RIMS4: variants seen among roughly 807,000 people sequenced by gnomAD.
RIMS4 encodes regulating synaptic membrane exocytosis protein 4.
Under a neutral mutation model 29.0 loss-of-function variants are expected in RIMS4, and 9 were observed. The observed-to-expected ratio is 0.31, with a 90% CI of 0.19 to 0.54. The LOEUF is 0.54. Ranked by LOEUF, RIMS4 falls within the 20% of genes least tolerant of loss-of-function variation. The pLI is 0.94. For synonymous variants in RIMS4, 130 were observed against 152.9 expected (o/e 0.85, Z 1.10); for missense variants, 193 against 365.7 (o/e 0.53, Z 3.85).
chr20:44,808,158 C>G (rs1401006282), intron 1 of RIMS4, among the ~76,000 whole-genome samples: 2 of 151,976 alleles, frequency 1.3e-5, no homozygotes, highest in Admixed American at 6.6e-5. Flanking sequence ...CAAATACACA[C>G]ACACCCCCAT....
At chr20:44,757,269 C>T (rs1211283342) in intron 4 of RIMS4, among the ~76,000 whole-genome samples, 3 of 152,026 alleles carry the variant, frequency 2.0e-5, no homozygotes, top group Non-Finnish European at 1.5e-5. Context: ...CTCCACCCTT[C>T]CTTTGCTCAC....
In RIMS4 at chr20:44,756,790, C is replaced by A. The variant is rs184406964; in HGVS notation, c.591+108G>T. 8.1e-4 allele frequency: 889 copies of A among 1,102,594 alleles called. 4 individuals carry two copies. In the African/African-American group the frequency reaches 0.012, roughly 16 times the overall value. 68.3% of individuals were successfully genotyped at this position (1,102,594 alleles called of 1,614,324 possible). A position where few individuals can be genotyped will look rare whatever the true frequency, so the allele number is the denominator to read the frequency against. On this transcript the variant is annotated intron_variant, in intron 5 of 5. Transcript: ENST00000372851. The surrounding 1 kb of genome is among the most constrained non-coding windows in gnomAD (Gnocchi z 5.9). ...GAGGGCCTCGCCTGTTTCCTCCAGG[C>A]GAGGCCCTCCAGAGACACCCCCCGC... is the stretch of plus-strand genomic sequence containing the variant.
chr20:44,766,043 ACAC>A (rs1427402102), intron 2 of RIMS4, among the ~76,000 whole-genome samples: 1 of 152,146 alleles, frequency 6.6e-6, no homozygotes, highest in Non-Finnish European at 1.5e-5. Context: ...ACAGACAGAC[ACAC>A]ATGTGACAAG....
chr20:44,802,288 T>C (rs2066280471), intron 1 of RIMS4, among the ~76,000 whole-genome samples: 1 of 152,234 alleles, frequency 6.6e-6, no homozygotes, highest in South Asian at 2.1e-4. Context: ...AGGTGTGTTG[T>C]GTGCATGATG....
chr20:44,778,190 G>A (rs1482658338), intron 1 of RIMS4, among the ~76,000 whole-genome samples: 6 of 152,188 alleles, frequency 3.9e-5, no homozygotes, highest in Admixed American at 1.3e-4. Context: ...ATGGGTGGAG[G>A]AAGCACAACC....
chr20:44,806,051 C>T (rs1309824930), intron 1 of RIMS4, among the ~76,000 whole-genome samples: 3 of 152,228 alleles, frequency 2.0e-5, no homozygotes, highest in African/African-American at 7.2e-5. Context: ...CCAGGAAGGG[C>T]TTTCCAGCCC....
At chr20:44,783,752 C>G (rs572215911) in intron 1 of RIMS4, among the ~76,000 whole-genome samples, 1 of 152,096 alleles carries the variant, frequency 6.6e-6, no homozygotes, top group Non-Finnish European at 1.5e-5. Flanking sequence ...TATGACTCTA[C>G]GTATTTGAAA....
intron 1 of RIMS4, among the ~76,000 whole-genome samples, chr20:44,785,179 T>C (rs1259334387): frequency 1.3e-5 from 2 of 152,118 alleles, no homozygotes; most frequent in Admixed American, 6.6e-5. Context: ...ACACAGTATG[T>C]TGCATAAAGT....
At position 44,753,878 on chromosome 20, in the gene RIMS4, T is replaced by C; in HGVS notation, c.*2256A>G. 2 of 152,632 alleles carry C rather than the reference T, an allele frequency of 1.3e-5. 1 individual carries two copies. The allele number at this position is 152,632 out of a possible 1,614,324, so 9.5% of individuals were successfully genotyped here. A position where few individuals can be genotyped will look rare whatever the true frequency, so the allele number is the denominator to read the frequency against. ...CCTCACTGACCACCCCCAGGTGTTG[T>C]TATTGCTTCGGAGCTCTCTCTCTCT... On this transcript the variant is annotated 3_prime_UTR_variant, in exon 6 of 6. Transcript: ENST00000372851.
At chr20:44,766,515 T>C (rs1156829136) in intron 2 of RIMS4, among the ~76,000 whole-genome samples, 1 of 152,094 alleles carries the variant, frequency 6.6e-6, no homozygotes, top group African/African-American at 2.4e-5. Context: ...TGGCAAACTG[T>C]GGTGTTCAAC....
At chr20:44,810,089 G>C in intron 1 of RIMS4, 86 bp downstream of exon 1, 4 of 646,450 alleles carry the variant, frequency 6.2e-6, no homozygotes, top group Non-Finnish European at 1.0e-5. Flanking sequence ...TGGGGGTGGG[G>C]AGGAGGGCGC....
intron 1 of RIMS4, among the ~76,000 whole-genome samples, chr20:44,809,316 A>C (rs1211119463): frequency 6.6e-6 from 1 of 151,906 alleles, no homozygotes; most frequent in Non-Finnish European, 1.5e-5. Flanking sequence ...CCAAATCCGG[A>C]GCTCTCATGT....
In RIMS4 at chr20:44,755,137, G is replaced by C. The variant is rs542912177; in HGVS notation, c.*997C>G. On this transcript the variant is annotated 3_prime_UTR_variant, in exon 6 of 6. Transcript: ENST00000372851. Reference sequence around the variant, plus strand: ...GTTTTTTTTAAAAAGACTAAAATAGGGGGGCTCTATTTGCCTCCCCAGCCC... The same window carrying C: ...GTTTTTTTTAAAAAGACTAAAATAGCGGGGCTCTATTTGCCTCCCCAGCCC... 41 of 152,654 alleles carry C rather than the reference G, an allele frequency of 2.7e-4. No homozygotes were observed. The highest frequency in any genetic ancestry group is 9.6e-4 in the African/African-American group (40 of 41,516). 9.5% of individuals were successfully genotyped at this position (152,654 alleles called of 1,614,324 possible).
chr20:44,798,293 C>T (rs2066263291), intron 1 of RIMS4, among the ~76,000 whole-genome samples: 1 of 152,174 alleles, frequency 6.6e-6, no homozygotes, highest in Non-Finnish European at 1.5e-5. Flanking sequence ...CTGGAAAGAA[C>T]ACAAGTGTTG....
At chr20:44,787,133 C>T (rs2066212039) in intron 1 of RIMS4, among the ~76,000 whole-genome samples, 1 of 152,070 alleles carries the variant, frequency 6.6e-6, no homozygotes, top group South Asian at 2.1e-4. Context: ...AACGTAAAGG[C>T]CCGTGGCAGA....
intron 1 of RIMS4, among the ~76,000 whole-genome samples, chr20:44,799,487 G>A (rs1442627448): frequency 6.6e-6 from 1 of 152,184 alleles, no homozygotes; most frequent in African/African-American, 2.4e-5. Flanking sequence ...GGGCCCCGGA[G>A]GCACCTGGTC....
chr20:44,784,342 C>T (rs2066198506), intron 1 of RIMS4, among the ~76,000 whole-genome samples: 1 of 152,220 alleles, frequency 6.6e-6, no homozygotes, highest in Admixed American at 6.5e-5. Flanking sequence ...GGCTCCCCAT[C>T]ACCACCTTCC....
chr20:44,757,616 G>T, intron 4 of RIMS4, 54 bp downstream of exon 4: 2 of 1,446,796 alleles, frequency 1.4e-6, no homozygotes, highest in Non-Finnish European at 1.9e-6. Flanking sequence ...GTACCCATCA[G>T]GATATCCTCC....
At chr20:44,804,829 G>A (rs931472018) in intron 1 of RIMS4, among the ~76,000 whole-genome samples, 81 of 152,322 alleles carry the variant, frequency 5.3e-4, no homozygotes, top group African/African-American at 1.9e-3. Context: ...GCTGGAGCCA[G>A]GAGTCTAGGG....
Sources: allele counts gnomAD v4.1 joint callset (sites outside exome capture counted in the v4.1 genomes callset), GRCh38; gene constraint gnomAD v4.1.1; non-coding constraint Gnocchi (gnomAD v3.1); transcripts MANE v1.5; gene names NCBI Gene and HGNC (gene_info 2026-07-23, HGNC 2026-07-21).